Variants in LSM14A observed in about 807,000 individuals in gnomAD.
The protein encoded by LSM14A is LSM14A mRNA processing body assembly factor.
In LSM14A, 14 loss-of-function variants were observed where a neutral mutation model predicts 52.4. The ratio of observed to expected loss-of-function variants is 0.27; its 90% CI spans 0.18 to 0.42. The LOEUF is 0.42. Ranked by LOEUF, LSM14A falls within the 10% of genes least tolerant of loss-of-function variation. LSM14A has a pLI of 1.00. For missense variants in LSM14A, 417 were observed against 581.8 expected (o/e 0.72, Z 2.91); for synonymous variants, 185 against 200.3 (o/e 0.92, Z 0.64).
chr19:34,173,516 C>G (rs1053899240), intron 1 of LSM14A, among the ~76,000 whole-genome samples: 6 of 152,166 alleles, frequency 3.9e-5, no homozygotes, highest in African/African-American at 1.4e-4. Context: ...GTTGACTGAT[C>G]CCTCTGGAGG....
chr19:34,203,162 A>G (rs1316356671), intron 3 of LSM14A, among the ~76,000 whole-genome samples: 1 of 147,556 alleles, frequency 6.8e-6, no homozygotes, highest in Non-Finnish European at 1.5e-5. Flanking sequence ...TGAAAGGTAT[A>G]GATTGACCAG....
At chr19:34,172,845 G>T (rs369155372) in intron 1 of LSM14A, 82 bp downstream of exon 1, 31 of 1,435,944 alleles carry the variant, frequency 2.2e-5, no homozygotes, top group South Asian at 1.5e-4. Context: ...CGGCCTCCTC[G>T]TTCCCTCCCC....
chr19:34,228,988 A>G lies in LSM14A; in HGVS notation c.*1600A>G, dbSNP rs2073470130. 6.6e-6 allele frequency: 1 copy of G among 152,432 alleles called. No homozygotes were observed. The highest frequency in any genetic ancestry group is 1.9e-4 in the East Asian group (1 of 5,184). The allele number at this position is 152,432 out of a possible 1,614,324, so 9.4% of individuals were successfully genotyped here. A position where few individuals can be genotyped will look rare whatever the true frequency, so the allele number is the denominator to read the frequency against. On this transcript the variant is annotated 3_prime_UTR_variant, in exon 10 of 10. Coordinates refer to ENST00000544216, the MANE Select transcript of LSM14A (RefSeq NM_015578.4). Reference sequence around the variant, plus strand: ...TGTTAACAACAAAACCTTTTAGAGGACCCACAAATCATGATATTGAACACA... The same window carrying G: ...TGTTAACAACAAAACCTTTTAGAGGGCCCACAAATCATGATATTGAACACA...
chr19:34,198,742 T>G (rs774090211), intron 3 of LSM14A, among the ~76,000 whole-genome samples: 33 of 152,196 alleles, frequency 2.2e-4, no homozygotes, highest in Non-Finnish European at 4.1e-4. Context: ...ATCCCAGCAC[T>G]TTGGGAGGCC....
intron 3 of LSM14A, among the ~76,000 whole-genome samples, chr19:34,198,240 TACTTTTTATACAGATGTG>T (rs1459629013): frequency 6.6e-6 from 1 of 152,232 alleles, no homozygotes; most frequent in Non-Finnish European, 1.5e-5. Flanking sequence ...CCTGTGAATA[TACTTTTTATACAGATGTG>T]ACTTAAGTAT....
chr19:34,211,823 C>T (rs1225224916), intron 4 of LSM14A, among the ~76,000 whole-genome samples: 1 of 151,948 alleles, frequency 6.6e-6, no homozygotes, highest in Non-Finnish European at 1.5e-5. Flanking sequence ...GAAGACTTTA[C>T]TCCTCATAGT....
At chr19:34,223,399 G>A (rs2073171916) in intron 9 of LSM14A, among the ~76,000 whole-genome samples, 1 of 152,026 alleles carries the variant, frequency 6.6e-6, no homozygotes, top group Non-Finnish European at 1.5e-5. Context: ...CCTCCCTTTT[G>A]TAAGCCTGTC....
chr19:34,208,986 A>G lies in LSM14A; in HGVS notation c.473A>G (p.Gln158Arg). The G allele has an allele frequency of 6.2e-7, 1 of 1,612,168 alleles. No homozygotes were observed. Among genetic ancestry groups the G allele is most frequent in the Non-Finnish European group, 8.5e-7 (1 of 1,178,660 alleles). Reference sequence around the variant, plus strand: ...ACATCAAACAGTGGTACCTTACCCCAAAGTAGTGCGGTTGGTTCTGCCTTT... The same window carrying G: ...ACATCAAACAGTGGTACCTTACCCCGAAGTAGTGCGGTTGGTTCTGCCTTT... Reference protein sequence around the residue: ...TETSNSGTLPQSSAVGSAFTQ... With the variant: ...TETSNSGTLPRSSAVGSAFTQ... The change falls in exon 4 of 10, where the codon CAA (glutamine) becomes CGA (arginine). Residue 158 changes from glutamine to arginine, a missense_variant. Coordinates refer to ENST00000544216, the MANE Select transcript of LSM14A (RefSeq NM_015578.4).
chr19:34,214,429 C>T (rs1384759882), intron 4 of LSM14A, among the ~76,000 whole-genome samples: 1 of 151,972 alleles, frequency 6.6e-6, no homozygotes, highest in Non-Finnish European at 1.5e-5. Flanking sequence ...CCATCTCAGC[C>T]TCCTGAGTAG....
chr19:34,176,008 G>A (rs2069065744), intron 1 of LSM14A, among the ~76,000 whole-genome samples: 1 of 151,934 alleles, frequency 6.6e-6, no homozygotes. Flanking sequence ...GCCCAACACA[G>A]CTGGCTAATT....
intron 9 of LSM14A, chr19:34,226,601 T>G (rs2073362026): frequency 1.4e-6 from 1 of 718,036 alleles, no homozygotes; most frequent in Middle Eastern, 2.4e-4. Flanking sequence ...AATGTTTTGG[T>G]GTTGTATACA....
At chr19:34,223,231 C>T (rs2073161494) in intron 9 of LSM14A, among the ~76,000 whole-genome samples, 1 of 152,074 alleles carries the variant, frequency 6.6e-6, no homozygotes, top group African/African-American at 2.4e-5. Flanking sequence ...CAGGCATGCA[C>T]CACCATGCCC....
chr19:34,218,034 C>T lies in LSM14A; in HGVS notation c.782-1357C>T, dbSNP rs1167742921. On this transcript the variant is annotated intron_variant, in intron 6 of 9. Coordinates refer to ENST00000544216, the MANE Select transcript of LSM14A (RefSeq NM_015578.4). ...TTTTTTCCCCCTGGAGATAGAATCT[C>T]GCTCTGTCACCCAGGCTGGAGTGTA... is the stretch of plus-strand genomic sequence containing the variant. 3.5e-5 allele frequency among the ~76,000 whole-genome samples: 5 copies of T among 140,846 alleles called. No individual in the cohort carries two copies. In the East Asian group the frequency reaches 8.7e-4, roughly 24 times the overall value. 92.4% of individuals were successfully genotyped at this position (140,846 alleles called of 152,430 possible).
intron 6 of LSM14A, among the ~76,000 whole-genome samples, chr19:34,216,071 C>A (rs1281050515): frequency 6.6e-6 from 1 of 152,108 alleles, no homozygotes; most frequent in African/African-American, 2.4e-5. Flanking sequence ...ACTAGTTTTT[C>A]AATTTTTCTT....
intron 1 of LSM14A, among the ~76,000 whole-genome samples, chr19:34,186,310 A>G (rs377150393): frequency 6.6e-6 from 1 of 152,214 alleles, no homozygotes; most frequent in African/African-American, 2.4e-5. Context: ...CACAGTGCCT[A>G]GATATTTGAT....
chr19:34,222,486 T>C (rs577996443), intron 9 of LSM14A, among the ~76,000 whole-genome samples: 1 of 152,322 alleles, frequency 6.6e-6, no homozygotes, highest in South Asian at 2.1e-4. Flanking sequence ...CTATCTTAGT[T>C]TATTGATTTT....
At chr19:34,215,503 G>GT (rs372002807) in intron 5 of LSM14A, 93 bp from the exon 6 acceptor site, 1 of 1,239,464 alleles carries the variant, frequency 8.1e-7, no homozygotes, top group South Asian at 1.3e-5. Flanking sequence ...TTTGTTTTGG[G>GT]TTTTTTGGTT....
At chr19:34,173,131 C>T (rs2068827270) in intron 1 of LSM14A, among the ~76,000 whole-genome samples, 1 of 152,228 alleles carries the variant, frequency 6.6e-6, no homozygotes, top group Non-Finnish European at 1.5e-5. Context: ...ATTTTTCCGC[C>T]CAGCTTGAGT....
intron 5 of LSM14A, 143 bp from the exon 6 acceptor site, chr19:34,215,450 AGTG>A: frequency 8.9e-7 from 1 of 1,118,884 alleles, no homozygotes. Context: ...TTTGACTCAA[AGTG>A]GTGGTGGTGT....
Sources: gnomAD v4.1 joint callset for allele counts (sites outside exome capture counted in the v4.1 genomes callset) on GRCh38, gnomAD v4.1.1 for gene constraint, MANE v1.5 for transcripts, NCBI Gene and HGNC (gene_info 2026-07-23, HGNC 2026-07-21) for gene names.